The following BRAF variants were observed in gnomAD, a reference collection of about 807,000 sequenced individuals.
BRAF encodes B-Raf proto-oncogene, serine/threonine kinase, also known as serine/threonine-protein kinase B-raf.
Under a neutral mutation model 104.6 loss-of-function variants are expected in BRAF, and 16 were observed. The observed-to-expected ratio is 0.15, with a 90% confidence interval of 0.10 to 0.23. BRAF has a LOEUF of 0.23. BRAF is among the 10% of genes least tolerant of loss of function. BRAF has a pLI of 1.00. For missense variants in BRAF, 541 were observed against 937.3 expected, an observed-to-expected ratio of 0.58 and a Z score of 5.52; for synonymous variants, 310 against 341.6, an observed-to-expected ratio of 0.91 and a Z score of 1.02.
chr7:140,764,942 A>G (rs553089069), intron 14 of BRAF, among the ~76,000 whole-genome samples: 16 of 152,328 alleles, frequency 1.1e-4, no homozygotes, highest in African/African-American at 3.4e-4. Flanking sequence ...GAACTGGAAA[A>G]AACTACTTTA....
intron 1 of BRAF, among the ~76,000 whole-genome samples, chr7:140,866,278 A>G (rs1321202189): frequency 6.6e-6 from 1 of 152,234 alleles, no homozygotes; most frequent in East Asian, 1.9e-4. Flanking sequence ...ACTCCTGGTC[A>G]TAACTTTCTC....
chr7:140,821,712 C>A (rs550702355), intron 3 of BRAF, among the ~76,000 whole-genome samples: 1 of 152,188 alleles, frequency 6.6e-6, no homozygotes, highest in East Asian at 1.9e-4. Context: ...TACCATTCGA[C>A]CCAGCAGTCT....
intron 19 of BRAF, among the ~76,000 whole-genome samples, chr7:140,728,605 G>GTA (rs1795748900): frequency 6.6e-6 from 1 of 151,310 alleles, no homozygotes; most frequent in Admixed American, 6.6e-5. Flanking sequence ...AACATTTGGA[G>GTA]TATAATCATA....
chr7:140,825,034 A>T (rs1390904692), intron 3 of BRAF, among the ~76,000 whole-genome samples: 1 of 149,844 alleles, frequency 6.7e-6, no homozygotes, highest in Non-Finnish European at 1.5e-5. Context: ...GCAGTGGCGC[A>T]ATCTCGGCTC....
rs190922073 is a variant in BRAF at position 140,873,717 on chromosome 7, C to G, written c.139-23505G>C. ...CAGGGTCTGGACAGGGCCCACACCT[C>G]CACACATCCTTGACTGACTGAGCCT... On this transcript the variant is annotated intron_variant, in intron 1 of 19. Transcript: ENST00000644969. Among the ~76,000 whole-genome samples the G allele has an allele frequency of 1.2e-4, 19 of 152,282 alleles. No individual in the cohort carries two copies. In the South Asian group the frequency reaches 1.5e-3, roughly 12 times the overall value.
intron 2 of BRAF, chr7:140,835,097 G>A (rs1370222232): frequency 3.5e-6 from 2 of 571,832 alleles, no homozygotes; most frequent in African/African-American, 3.8e-5. Flanking sequence ...TGATAAATTT[G>A]ACCTATACAT....
chr7:140,802,832 G>A (rs56055746), intron 5 of BRAF, among the ~76,000 whole-genome samples: 8,596 of 152,000 alleles, frequency 0.057, 285 homozygotes, highest in South Asian at 0.11. Flanking sequence ...AAACTGTACT[G>A]TAGCCTAAGT....
intron 14 of BRAF, among the ~76,000 whole-genome samples, chr7:140,772,211 C>A (rs1799911434): frequency 6.6e-6 from 1 of 151,992 alleles, no homozygotes; most frequent in Admixed American, 6.6e-5. Context: ...CAGTTCATGA[C>A]CCCTAGGACC....
intron 8 of BRAF, among the ~76,000 whole-genome samples, chr7:140,794,100 C>T (rs898426335): frequency 2.6e-5 from 4 of 152,160 alleles, no homozygotes; most frequent in Non-Finnish European, 5.9e-5. Context: ...ATCAGAGTGA[C>T]TGTATAACCT....
chr7:140,887,992 C>T (rs143071827), intron 1 of BRAF, among the ~76,000 whole-genome samples: 8 of 152,070 alleles, frequency 5.3e-5, no homozygotes, highest in Admixed American at 5.2e-4. Context: ...CCTGCCTCAG[C>T]CTCCCAAGTA....
At chr7:140,850,921 G>A (rs1809093044) in intron 1 of BRAF, among the ~76,000 whole-genome samples, 1 of 152,104 alleles carries the variant, frequency 6.6e-6, no homozygotes, top group Non-Finnish European at 1.5e-5. Context: ...ATAAAAGAAA[G>A]GCAAAGTTCT....
chr7:140,818,490 T>G (rs1247409710), intron 3 of BRAF, among the ~76,000 whole-genome samples: 1 of 152,064 alleles, frequency 6.6e-6, no homozygotes, highest in Admixed American at 6.5e-5. Context: ...TTTTTATACT[T>G]TTAATAGAAA....
At chr7:140,918,877 C>T (rs1485897813) in intron 1 of BRAF, among the ~76,000 whole-genome samples, 3 of 135,620 alleles carry the variant, frequency 2.2e-5, no homozygotes, top group Non-Finnish European at 3.4e-5. Context: ...TGGTGGCTCA[C>T]GCCTGTAATC....
chr7:140,868,822 G>A (rs1811251336), intron 1 of BRAF, among the ~76,000 whole-genome samples: 1 of 152,162 alleles, frequency 6.6e-6, no homozygotes. Context: ...ATGAACTATA[G>A]TGTAAATGCC....
At position 140,723,733 on chromosome 7, in the gene BRAF, A is replaced by T; in HGVS notation, c.*2761T>A. 1.9e-6 allele frequency: 2 copies of T among 1,049,294 alleles called. No homozygotes were observed. The highest frequency in any genetic ancestry group is 2.3e-6 in the Non-Finnish European group (2 of 869,052). 65.0% of individuals were successfully genotyped at this position (1,049,294 alleles called of 1,614,324 possible). ...TACCAAAAATAAAACACACTACAGA[A>T]GGCACTGCAGCCACTTTACAGACAA... On this transcript the variant is annotated 3_prime_UTR_variant, in exon 20 of 20. Transcript: ENST00000644969.
chr7:140,834,849 C>T lies in BRAF; in HGVS notation c.264G>A (p.Lys88=), dbSNP rs2129062302. Reference sequence around the variant, plus strand: ...GTTCTCTTTGTTGGAGTGCATCTAGCTTGCTGGTGTATTCTTCATAGGCCT... The same window carrying T: ...GTTCTCTTTGTTGGAGTGCATCTAGTTTGCTGGTGTATTCTTCATAGGCCT... The part of the protein sequence containing the change: ...YLEAYEEYTS[K]LDALQQREQQ... The change falls in exon 3 of 20, where the codon AAG becomes AAA. Residue 88 remains lysine, a synonymous_variant. Transcript: ENST00000644969. The T allele has an allele frequency of 1.2e-6, 2 of 1,614,128 alleles. No homozygotes were observed. The highest frequency in any genetic ancestry group is 1.1e-5 in the South Asian group (1 of 91,084).
intron 3 of BRAF, among the ~76,000 whole-genome samples, chr7:140,832,832 T>C (rs944785975): frequency 2.0e-5 from 3 of 152,166 alleles, no homozygotes; most frequent in Non-Finnish European, 4.4e-5. Flanking sequence ...TACCTGTAAA[T>C]TTCTCTTGGC....
chr7:140,739,531 TC>T (rs1796730393), intron 18 of BRAF, among the ~76,000 whole-genome samples: 1 of 108,924 alleles, frequency 9.2e-6, no homozygotes, highest in Non-Finnish European at 1.9e-5. Flanking sequence ...GGGGGGGGGG[TC>T]TTCGATAATT....
chr7:140,909,210 G>A (rs935410325), intron 1 of BRAF, among the ~76,000 whole-genome samples: 106 of 152,184 alleles, frequency 7.0e-4, no homozygotes, highest in African/African-American at 2.3e-3. Flanking sequence ...CAGATCACCT[G>A]AGGTCGGGAG....
Sources: gnomAD v4.1 joint callset for allele counts (sites outside exome capture counted in the v4.1 genomes callset) on GRCh38, gnomAD v4.1.1 for gene constraint, MANE v1.5 for transcripts, NCBI Gene and HGNC (gene_info 2026-07-23, HGNC 2026-07-21) for gene names.